SCLT1: variants seen among roughly 807,000 people sequenced by gnomAD.
SCLT1 encodes sodium channel-associated protein 1.
In SCLT1, 78 loss-of-function variants were observed where a neutral mutation model predicts 112.8. The ratio of observed to expected loss-of-function variants is 0.69; its 90% CI spans 0.58 to 0.83. The LOEUF (loss-of-function observed/expected upper bound fraction) is 0.83, where lower values mean the gene tolerates loss of function less well. Ranked by LOEUF, SCLT1 falls within the 40% of genes least tolerant of loss-of-function variation. The pLI is 0.00. For synonymous variants in SCLT1, 257 were observed against 254.7 expected, an observed-to-expected ratio of 1.01 and a Z score of -0.09; for missense variants, 747 against 770.4, an observed-to-expected ratio of 0.97 and a Z score of 0.36.
chr4:128,900,665 A>C (rs904016042), intron 18 of SCLT1, among the ~76,000 whole-genome samples: 1 of 152,236 alleles, frequency 6.6e-6, no homozygotes, highest in Admixed American at 6.5e-5. Flanking sequence ...ACAAAAGCCA[A>C]AATTGACAAA....
At chr4:129,011,489 A>C (rs1326715622) in intron 5 of SCLT1, among the ~76,000 whole-genome samples, 3 of 152,064 alleles carry the variant, frequency 2.0e-5, no homozygotes, top group African/African-American at 7.2e-5. Flanking sequence ...TACCAGTACC[A>C]TGCTGTTTTG....
intron 2 of SCLT1, among the ~76,000 whole-genome samples, chr4:129,067,359 G>A (rs1390037704): frequency 3.3e-5 from 5 of 151,142 alleles, no homozygotes; most frequent in African/African-American, 1.2e-4. Flanking sequence ...GGTTCCAGGA[G>A]AACTGCAATA....
At chr4:129,005,477 C>A (rs867346962) in intron 5 of SCLT1, among the ~76,000 whole-genome samples, 6 of 152,248 alleles carry the variant, frequency 3.9e-5, no homozygotes, top group African/African-American at 1.4e-4. Context: ...TATCATCTCA[C>A]ACCAGTTAGA....
chr4:128,957,222 C>T (rs1343332550), intron 12 of SCLT1, 98 bp from the exon 13 acceptor site: 2 of 622,620 alleles, frequency 3.2e-6, no homozygotes, highest in South Asian at 4.7e-5. Context: ...TTATTCAAAA[C>T]TTCTGGGACA....
At chr4:129,055,606 G>A (rs945852493) in intron 2 of SCLT1, among the ~76,000 whole-genome samples, 2 of 152,078 alleles carry the variant, frequency 1.3e-5, no homozygotes, top group Non-Finnish European at 2.9e-5. Context: ...TCTCAGTAAT[G>A]GTGGATGCCC....
rs1197736116 is a variant in SCLT1 at position 128,888,684 on chromosome 4, G to A, written c.1999C>T (p.Gln667Ter). 1 of 1,602,914 alleles carries A rather than the reference G, an allele frequency of 6.2e-7. No individual in the cohort carries two copies. Reference sequence around the variant, plus strand: ...GATAAGAGGATGCTCCCTACCTGCTGGGAAGCTGAAGCAGCTCTCTCTTCT... The same window carrying A: ...GATAAGAGGATGCTCCCTACCTGCTAGGAAGCTGAAGCAGCTCTCTCTTCT... ...QAEERAASAS[Q>*]QLSVITVQRR... The change falls in exon 20 of 21, where the codon CAG becomes TAG. Residue 667 changes from glutamine to a stop codon, truncating the protein, a stop_gained. Coordinates refer to ENST00000281142, the MANE Select transcript of SCLT1 (RefSeq NM_144643.4). LOFTEE classifies it high-confidence loss of function.
At chr4:128,948,355 A>AAAAAG (rs1560878888) in intron 15 of SCLT1, 141 bp downstream of exon 15, 17 of 1,018,324 alleles carry the variant, frequency 1.7e-5, no homozygotes, top group East Asian at 6.8e-5. Context: ...AAAAAAAAAA[A>AAAAAG]AAAAGAAAAG....
At chr4:129,063,243 A>G (rs1489134149) in intron 2 of SCLT1, among the ~76,000 whole-genome samples, 1 of 152,196 alleles carries the variant, frequency 6.6e-6, no homozygotes, top group East Asian at 1.9e-4. Flanking sequence ...TTACGTTGCC[A>G]TCTTAACATA....
At position 128,946,066 on chromosome 4, in the gene SCLT1, T is replaced by C; in HGVS notation, c.1380A>G (p.Lys460=). Residue 460 remains lysine, a synonymous_variant, in exon 16 of 21, where the codon AAA becomes AAG. Transcript: ENST00000281142. ...TCGTAAGTCTTAGCTGAAGATCATC[T>C]TTTGAACGCTCTGAAACCAGGAATC... ...HQRFLVSERS[K]DDLQLRLTRA... is the part of the protein sequence containing the mutation. 1.2e-6 allele frequency: 2 copies of C among 1,611,036 alleles called. 1 individual carries two copies. Among genetic ancestry groups the C allele is most frequent in the Admixed American group, 3.3e-5 (2 of 59,948 alleles).
At chr4:129,051,635 T>A (rs1032672696) in intron 2 of SCLT1, among the ~76,000 whole-genome samples, 7 of 152,172 alleles carry the variant, frequency 4.6e-5, no homozygotes, top group African/African-American at 1.7e-4. Flanking sequence ...GCTGAGACGA[T>A]GGGGTTTTCT....
chr4:128,964,248 C>T (rs141292881), intron 11 of SCLT1, among the ~76,000 whole-genome samples: 1 of 152,222 alleles, frequency 6.6e-6, no homozygotes, highest in African/African-American at 2.4e-5. Context: ...TATTTGGTGC[C>T]AGGGATGCTA....
At chr4:128,938,218 C>T (rs753677691) in intron 17 of SCLT1, among the ~76,000 whole-genome samples, 3 of 152,118 alleles carry the variant, frequency 2.0e-5, no homozygotes, top group African/African-American at 2.4e-5. Context: ...TCATTAAATA[C>T]GGTTACTTTC....
chr4:128,886,086 T>C (rs1199510372), intron 20 of SCLT1, among the ~76,000 whole-genome samples: 1 of 152,220 alleles, frequency 6.6e-6, no homozygotes, highest in African/African-American at 2.4e-5. Context: ...AATTTGAAAC[T>C]GTGATTATAT....
chr4:129,040,976 CAAAGTT>C (rs1439995068), intron 4 of SCLT1, among the ~76,000 whole-genome samples: 8 of 151,996 alleles, frequency 5.3e-5, no homozygotes, highest in African/African-American at 1.9e-4. Context: ...AATAGAAAAA[CAAAGTT>C]AAACATCTTA....
In SCLT1 at chr4:128,975,140, G is replaced by A. The variant is rs1038818696; in HGVS notation, c.687-4672C>T. ...TGCAAGCTCCGCCTCCTGGGTTCAC[G>A]CCATTCTCTTGCCTCAGCCTCCTGA... On this transcript the variant is annotated intron_variant, in intron 9 of 20. Transcript: ENST00000281142. Among the ~76,000 whole-genome samples the A allele has an allele frequency of 7.6e-5, 11 of 145,122 alleles. No homozygotes were observed. In the East Asian group the frequency reaches 1.7e-3, roughly 22 times the overall value.
At chr4:128,953,401 T>C (rs1738933361) in intron 13 of SCLT1, among the ~76,000 whole-genome samples, 1 of 152,168 alleles carries the variant, frequency 6.6e-6, no homozygotes, top group Non-Finnish European at 1.5e-5. Flanking sequence ...AAAACAACAC[T>C]GCACACGTGT....
At chr4:128,908,380 TAA>T (rs11432450) in intron 18 of SCLT1, among the ~76,000 whole-genome samples, 3 of 137,714 alleles carry the variant, frequency 2.2e-5, no homozygotes, top group Admixed American at 7.3e-5. Flanking sequence ...TCCTGTTAAT[TAA>T]AAAAAAAAAA....
chr4:129,042,415 T>C (rs1476459404), intron 4 of SCLT1, among the ~76,000 whole-genome samples: 1 of 152,054 alleles, frequency 6.6e-6, no homozygotes, highest in Non-Finnish European at 1.5e-5. Context: ...TTATTCTAGT[T>C]CTCCATAAGC....
intron 5 of SCLT1, among the ~76,000 whole-genome samples, chr4:129,028,603 A>G (rs1434457356): frequency 1.3e-5 from 2 of 152,278 alleles, no homozygotes; most frequent in South Asian, 2.1e-4. Flanking sequence ...TTACCATTCA[A>G]GACATAGGTA....
Sources: allele counts gnomAD v4.1 joint callset (sites outside exome capture counted in the v4.1 genomes callset), GRCh38; gene constraint gnomAD v4.1.1; transcripts MANE v1.5; gene names NCBI Gene and HGNC (gene_info 2026-07-23, HGNC 2026-07-21).